The following TOGARAM2 variants were observed in gnomAD, a reference collection of about 807,000 sequenced individuals.
TOGARAM2 encodes TOG array regulator of axonemal microtubules 2.
In TOGARAM2, 85 loss-of-function variants were observed where a neutral mutation model predicts 93.3. The ratio of observed to expected loss-of-function variants is 0.91; its 90% CI spans 0.76 to 1.09. The LOEUF is 1.09. TOGARAM2 is among the 50% of genes least tolerant of loss of function. TOGARAM2 has a pLI of 0.00. For synonymous variants in TOGARAM2, 593 were observed against 552.8 expected, an observed-to-expected ratio of 1.07 and a Z score of -1.02; for missense variants, 1,277 against 1,334.5, an observed-to-expected ratio of 0.96 and a Z score of 0.67.
In TOGARAM2 at chr2:29,017,845, G is replaced by A. The variant is rs868850533; in HGVS notation, c.1249G>A (p.Gly417Ser). The change falls in exon 10 of 20, where the codon GGC (glycine) becomes AGC (serine). Residue 417 changes from glycine to serine, a missense_variant. Gly to Ser is a moderately conservative substitution (Grantham distance 56, BLOSUM62 0). Coordinates refer to ENST00000379558, the MANE Select transcript of TOGARAM2 (RefSeq NM_199280.4). ...GTLSVPTRLSGPCRNDVSIIL... is the reference protein window; with the variant it reads ...GTLSVPTRLSSPCRNDVSIIL... ...ACTGTCTGTGCCCACTAGGCTGAGC[G>A]GCCCATGCAGAAACGACGTCAGCAT... is the stretch of plus-strand genomic sequence containing the variant. The A allele has an allele frequency of 7.4e-6, 12 of 1,613,382 alleles. No individual in the cohort carries two copies. Among genetic ancestry groups the A allele is most frequent in the African/African-American group, 4.0e-5 (3 of 74,924 alleles).
At chr2:29,041,470 T>C (rs1286230403) in intron 18 of TOGARAM2, among the ~76,000 whole-genome samples, 1 of 152,218 alleles carries the variant, frequency 6.6e-6, no homozygotes, top group Non-Finnish European at 1.5e-5. Context: ...GCGTCATAAC[T>C]TACCAAGTCT....
intron 2 of TOGARAM2, among the ~76,000 whole-genome samples, chr2:28,997,582 C>T (rs977501419): frequency 1.3e-5 from 2 of 152,256 alleles, no homozygotes; most frequent in Middle Eastern, 3.4e-3. Context: ...TTTGCTGAGC[C>T]GAGGGACGTT....
At chr2:29,004,056 T>C (rs1400910655) in intron 6 of TOGARAM2, among the ~76,000 whole-genome samples, 1 of 152,166 alleles carries the variant, frequency 6.6e-6, no homozygotes, top group Non-Finnish European at 1.5e-5. Flanking sequence ...AGTGCAGTGG[T>C]GTGATCTCAA....
intron 4 of TOGARAM2, among the ~76,000 whole-genome samples, chr2:29,001,229 G>A (rs145539984): frequency 2.0e-5 from 3 of 152,284 alleles, no homozygotes; most frequent in South Asian, 4.1e-4. Flanking sequence ...GCTCCCCACA[G>A]GCTAACCACA....
In TOGARAM2 at chr2:29,051,976, G is replaced by A; in HGVS notation, c.2943G>A (p.Lys981=). 5 of 1,612,850 alleles carry A rather than the reference G, an allele frequency of 3.1e-6. No homozygotes were observed. Among genetic ancestry groups the A allele is most frequent in the Non-Finnish European group, 4.2e-6 (5 of 1,179,612 alleles). Residue 981 remains lysine (K), a synonymous_variant, in exon 20 of 20, where the codon AAG becomes AAA. Transcript: ENST00000379558. ...FAASQPKHVL[K]TLQELLDSES... Reference sequence around the variant, plus strand: ...CCAGCCAGCCAAAGCACGTCCTCAAGACGCTCCAGGAACTCTTAGACTCAG... The same window carrying A: ...CCAGCCAGCCAAAGCACGTCCTCAAAACGCTCCAGGAACTCTTAGACTCAG...
chr2:29,036,836 G>T, intron 18 of TOGARAM2, 79 bp downstream of exon 18: 1 of 1,411,184 alleles, frequency 7.1e-7, no homozygotes, highest in Non-Finnish European at 9.8e-7. Flanking sequence ...GGTGGATAAG[G>T]CCTTGGTTGG....
chr2:29,001,348 A>ATT (rs150089143), intron 4 of TOGARAM2, among the ~76,000 whole-genome samples: 13 of 149,724 alleles, frequency 8.7e-5, no homozygotes, highest in Non-Finnish European at 1.0e-4. Context: ...TTTTTTTTTA[A>ATT]TTTTTTTTTT....
intron 1 of TOGARAM2, among the ~76,000 whole-genome samples, chr2:28,974,390 C>T (rs935666846): frequency 7.2e-5 from 11 of 152,040 alleles, no homozygotes; most frequent in Middle Eastern, 3.4e-3. Flanking sequence ...GGCCTCTTAA[C>T]GATGTGTCTT....
intron 6 of TOGARAM2, among the ~76,000 whole-genome samples, chr2:29,005,479 A>G (rs1167433121): frequency 8.6e-5 from 8 of 92,854 alleles, no homozygotes; most frequent in African/African-American, 6.9e-4. Context: ...ATGTGTGTGC[A>G]TGTGTGCATG....
chr2:29,041,027 T>C (rs1055670196), intron 18 of TOGARAM2, among the ~76,000 whole-genome samples: 1 of 85,686 alleles, frequency 1.2e-5, no homozygotes, highest in Non-Finnish European at 3.3e-5. Context: ...TTGAGTCACT[T>C]TTTTTTTTTT....
rs200094591 is a variant in TOGARAM2 at position 29,011,465 on chromosome 2, G to T, written c.841G>T (p.Gly281Trp). The T allele has an allele frequency of 1.2e-6, 2 of 1,609,448 alleles. No homozygotes were observed. The highest frequency in any genetic ancestry group is 1.7e-6 in the Non-Finnish European group (2 of 1,178,266). Residue 281 changes from glycine (G) to tryptophan (W), a missense_variant, in exon 7 of 20, where the codon GGG becomes TGG. By Grantham distance (184) the Gly-to-Trp change is radical. Coordinates refer to ENST00000379558, the MANE Select transcript of TOGARAM2 (RefSeq NM_199280.4). ...CCCCGTTCTTTTAAGATTGGCTCGG[G>T]GGAGTGGGCCTCGGGAGAAGACCCC... ...LRAPRTRLAR[G>W]SGPREKTPAS...
chr2:29,021,365 G>C (rs1025266450), intron 10 of TOGARAM2, among the ~76,000 whole-genome samples: 2 of 152,218 alleles, frequency 1.3e-5, no homozygotes, highest in East Asian at 1.9e-4. Context: ...TGGACTGGGA[G>C]GGGGATCTTC....
At chr2:29,035,327 A>C in intron 16 of TOGARAM2, 137 bp from the exon 17 acceptor site, 1 of 677,692 alleles carries the variant, frequency 1.5e-6, no homozygotes, top group Non-Finnish European at 2.1e-6. Context: ...GTGGAGGGGA[A>C]GCTGGGGGTG....
chr2:29,044,209 A>G (rs1666603177), intron 18 of TOGARAM2, among the ~76,000 whole-genome samples: 1 of 152,074 alleles, frequency 6.6e-6, no homozygotes, highest in African/African-American at 2.4e-5. Flanking sequence ...CACTGGGACA[A>G]TTTTTTCAAA....
intron 4 of TOGARAM2, among the ~76,000 whole-genome samples, chr2:29,002,219 G>C (rs1178796916): frequency 1.3e-5 from 2 of 152,188 alleles, no homozygotes; most frequent in Non-Finnish European, 1.5e-5. Flanking sequence ...CCTTGCTCGA[G>C]GTCACATAGC....
chr2:28,969,499 G>A (rs914005214), intron 1 of TOGARAM2, among the ~76,000 whole-genome samples: 10 of 152,180 alleles, frequency 6.6e-5, no homozygotes, highest in Admixed American at 2.0e-4. Flanking sequence ...TGGGACTTGG[G>A]TCACTCACAC....
Position 29,036,759 on chromosome 2 carries a change from T to G in TOGARAM2, c.2635+2T>G, listed in dbSNP as rs1572771699. ...TGGATGCGATGGTTGAGAGCCTGGG[T>G]GAGTGTCCCACGTGGGCCTGTGTGG... On this transcript the variant is annotated splice_donor_variant, in intron 18 of 19. Coordinates refer to ENST00000379558, the MANE Select transcript of TOGARAM2 (RefSeq NM_199280.4). LOFTEE classifies it high-confidence loss of function. 6.2e-7 allele frequency: 1 copy of G among 1,611,466 alleles called. No homozygotes were observed. The highest frequency in any genetic ancestry group is 8.5e-7 in the Non-Finnish European group (1 of 1,178,782).
chr2:28,970,287 A>G (rs1215366334), intron 1 of TOGARAM2, among the ~76,000 whole-genome samples: 1 of 152,210 alleles, frequency 6.6e-6, no homozygotes, highest in Non-Finnish European at 1.5e-5. Context: ...TAGAGCTGCT[A>G]CAGAATTAGA....
At chr2:29,048,309 G>T (rs919148484) in intron 19 of TOGARAM2, 1 of 152,018 alleles carries the variant, frequency 6.6e-6, no homozygotes, top group African/African-American at 2.4e-5. Context: ...ATGAGATTTG[G>T]GTGGGGACAC....
Sources: gnomAD v4.1 joint callset for allele counts (sites outside exome capture counted in the v4.1 genomes callset) on GRCh38, gnomAD v4.1.1 for gene constraint, MANE v1.5 for transcripts, NCBI Gene and HGNC (gene_info 2026-07-23, HGNC 2026-07-21) for gene names.